Variants in TMEM117 observed in about 807,000 individuals in gnomAD.
TMEM117 encodes the protein transmembrane protein 117.
In TMEM117, 27 loss-of-function variants were observed where a neutral mutation model predicts 52.4. That is an observed-to-expected ratio of 0.51 (90% CI 0.38 to 0.71). The LOEUF (loss-of-function observed/expected upper bound fraction) is 0.71. TMEM117 is among the 30% of genes least tolerant of loss of function. The pLI is 0.00. For synonymous variants in TMEM117, 215 were observed against 206.3 expected, an observed-to-expected ratio of 1.04 and a Z score of -0.36; for missense variants, 556 against 630.5, an observed-to-expected ratio of 0.88 and a Z score of 1.26.
chr12:43,875,526 T>G (rs1230166122), intron 2 of TMEM117, among the ~76,000 whole-genome samples: 4 of 152,242 alleles, frequency 2.6e-5, no homozygotes, highest in Non-Finnish European at 5.9e-5. Context: ...TGTTTCTCAT[T>G]TGTAATCTAA....
the TMEM117 span, among the ~76,000 whole-genome samples, chr12:43,824,508 C>T: frequency 9.2e-5 from 14 of 152,308 alleles, no homozygotes; most frequent in African/African-American, 3.1e-4. Context: ...AGGATAAAAC[C>T]AGCAGATAAG....
intron 2 of TMEM117, among the ~76,000 whole-genome samples, chr12:43,886,314 G>A (rs1229524921): frequency 2.0e-5 from 3 of 152,272 alleles, no homozygotes. Flanking sequence ...ATCTAAGAGA[G>A]TATGGTGTCA....
At chr12:44,312,442 T>TG (rs141408421) in intron 6 of TMEM117, among the ~76,000 whole-genome samples, 7,297 of 152,206 alleles carry the variant, frequency 0.048, 359 homozygotes, top group African/African-American at 0.12. Flanking sequence ...GACATGATTT[T>TG]TTCTTTTTCA....
At chr12:44,088,228 A>G (rs573695472) in intron 3 of TMEM117, among the ~76,000 whole-genome samples, 1 of 152,336 alleles carries the variant, frequency 6.6e-6, no homozygotes, top group East Asian at 1.9e-4. Flanking sequence ...ATTTCTGTAT[A>G]AATATGAAGT....
intron 3 of TMEM117, among the ~76,000 whole-genome samples, chr12:44,102,162 A>G (rs1012923408): frequency 7.2e-5 from 11 of 152,018 alleles, no homozygotes; most frequent in Non-Finnish European, 1.3e-4. Flanking sequence ...AAGAAAAATT[A>G]TTTCCTAGAG....
chr12:44,022,759 T>C (rs1946474552), intron 3 of TMEM117, among the ~76,000 whole-genome samples: 1 of 152,200 alleles, frequency 6.6e-6, no homozygotes, highest in Non-Finnish European at 1.5e-5. Context: ...ATCAAAATAA[T>C]TGTTGTATGT....
chr12:44,279,022 A>G lies in TMEM117; in HGVS notation c.609-20558A>G, dbSNP rs17558833. ...TCTCTACCTAATTAAATTATAGCCC[A>G]TTTTCCAAATTATGTTATAAAGTGC... On this transcript the variant is annotated intron_variant, in intron 5 of 7. Coordinates refer to ENST00000266534, the MANE Select transcript of TMEM117 (RefSeq NM_032256.3). Among the ~76,000 whole-genome samples the G allele has an allele frequency of 6.1e-3, 931 of 152,274 alleles. 14 individuals carry two copies. Among genetic ancestry groups the G allele is most frequent in the South Asian group, 0.057 (276 of 4,826 alleles).
intron 6 of TMEM117, among the ~76,000 whole-genome samples, chr12:44,362,540 C>A: frequency 6.8e-6 from 1 of 148,100 alleles, no homozygotes; most frequent in African/African-American, 2.5e-5. Context: ...AAATATTTAG[C>A]AAATAAAAGG....
chr12:44,253,058 A>G (rs1402975461), intron 5 of TMEM117, among the ~76,000 whole-genome samples: 1 of 152,238 alleles, frequency 6.6e-6, no homozygotes, highest in Non-Finnish European at 1.5e-5. Flanking sequence ...TGAAACACAA[A>G]TGTCTATAAA....
intron 2 of TMEM117, among the ~76,000 whole-genome samples, chr12:43,903,587 G>C (rs1381444965): frequency 6.6e-6 from 1 of 152,126 alleles, no homozygotes; most frequent in Non-Finnish European, 1.5e-5. Flanking sequence ...ATAAAATGAA[G>C]AGGCAGGTGA....
intron 4 of TMEM117, among the ~76,000 whole-genome samples, chr12:44,162,488 G>C (rs1427199134): frequency 6.6e-6 from 1 of 152,114 alleles, no homozygotes; most frequent in Non-Finnish European, 1.5e-5. Flanking sequence ...AGCCCTTCAT[G>C]CTCTGACCTA....
Position 44,388,310 on chromosome 12 carries a change from C to T in TMEM117, c.1183C>T (p.Leu395=), listed in dbSNP as rs762424630. Residue 395 remains leucine (L), a synonymous_variant, in exon 8 of 8, where the codon CTG becomes TTG. Transcript: ENST00000266534. ...AGGAGCCAGTCTTGATGTCAAGTGT[C>T]TGGCCTTTGTTCCAAGCCTGATAGC... ...FIGASLDVKC[L]AFVPSLIAFV... is the part of the protein sequence containing the mutation. The T allele has an allele frequency of 1.4e-5, 22 of 1,613,584 alleles. No individual in the cohort carries two copies. The highest frequency in any genetic ancestry group is 1.9e-5 in the Non-Finnish European group (22 of 1,179,674).
chr12:44,176,569 A>ATT (rs1407620830), intron 4 of TMEM117, among the ~76,000 whole-genome samples: 1 of 152,076 alleles, frequency 6.6e-6, no homozygotes, highest in African/African-American at 2.4e-5. Context: ...CCAGATAACT[A>ATT]TTTTTTTGCC....
chr12:44,342,434 GACC>G (rs1951430050), intron 6 of TMEM117, among the ~76,000 whole-genome samples: 2 of 152,044 alleles, frequency 1.3e-5, no homozygotes, highest in South Asian at 4.1e-4. Context: ...CTTCCTCACA[GACC>G]ACCAAGTCCT....
At chr12:44,335,006 C>A (rs1000502144) in intron 6 of TMEM117, among the ~76,000 whole-genome samples, 1 of 151,918 alleles carries the variant, frequency 6.6e-6, no homozygotes, top group Non-Finnish European at 1.5e-5. Context: ...ATGTTCATAG[C>A]CTCCAGAAAT....
At chr12:43,848,307 C>T (rs780292094) in intron 2 of TMEM117, among the ~76,000 whole-genome samples, 2 of 151,974 alleles carry the variant, frequency 1.3e-5, no homozygotes, top group Non-Finnish European at 2.9e-5. Flanking sequence ...TTTCCTCAAC[C>T]CTAGTAAGCC....
chr12:43,837,020 A>T (rs1201314513), intron 1 of TMEM117, among the ~76,000 whole-genome samples: 2 of 152,010 alleles, frequency 1.3e-5, no homozygotes, highest in African/African-American at 4.8e-5. Context: ...ATTGAATATA[A>T]AAGTAGTTGA....
chr12:44,386,380 C>G (rs1233994111), intron 7 of TMEM117, among the ~76,000 whole-genome samples: 1 of 152,124 alleles, frequency 6.6e-6, no homozygotes, highest in Non-Finnish European at 1.5e-5. Context: ...AGACAACATT[C>G]CCAATGTTCA....
At chr12:43,826,627 G>C in the TMEM117 span, among the ~76,000 whole-genome samples, 1 of 152,200 alleles carries the variant, frequency 6.6e-6, no homozygotes, top group Non-Finnish European at 1.5e-5. Context: ...TAAAACAATA[G>C]AGTGCAGGGG....
Sources: gnomAD v4.1 joint callset for allele counts (sites outside exome capture counted in the v4.1 genomes callset) on GRCh38, gnomAD v4.1.1 for gene constraint, MANE v1.5 for transcripts, NCBI Gene and HGNC (gene_info 2026-07-23, HGNC 2026-07-21) for gene names.